Variants in CYP20A1 observed in about 807,000 individuals in gnomAD.
CYP20A1 encodes the protein cytochrome P450 20A1.
CYP20A1 carries 61 observed loss-of-function variants against 61.4 expected under a neutral mutation model. The observed-to-expected ratio is 0.99, with a 90% CI of 0.81 to 1.23. The LOEUF (loss-of-function observed/expected upper bound fraction) is 1.23. CYP20A1 is among the 50% of genes most tolerant of loss of function. CYP20A1 has a pLI of 0.00. For synonymous variants in CYP20A1, 193 were observed against 188.2 expected (o/e 1.03, Z -0.21); for missense variants, 530 against 542.4 (o/e 0.98, Z 0.23).
intron 11 of CYP20A1, among the ~76,000 whole-genome samples, chr2:203,294,909 G>T (rs1450315471): frequency 7.0e-6 from 1 of 142,284 alleles, no homozygotes; most frequent in African/African-American, 2.6e-5. Context: ...TGGGATTACA[G>T]CCTTGAGCCA....
chr2:203,244,575 T>TA (rs898521512), intron 1 of CYP20A1, among the ~76,000 whole-genome samples: 8 of 151,524 alleles, frequency 5.3e-5, no homozygotes, highest in Admixed American at 6.6e-5. Flanking sequence ...TTTTTTTTTT[T>TA]AAAGCCAAAC....
chr2:203,249,581 A>G (rs2066584548), intron 3 of CYP20A1, among the ~76,000 whole-genome samples: 1 of 152,204 alleles, frequency 6.6e-6, no homozygotes, highest in African/African-American at 2.4e-5. Context: ...ATGGTGGCTC[A>G]CGCCTGTAAT....
At chr2:203,256,763 C>G (rs1161166236) in intron 4 of CYP20A1, among the ~76,000 whole-genome samples, 1 of 152,182 alleles carries the variant, frequency 6.6e-6, no homozygotes, top group Non-Finnish European at 1.5e-5. Flanking sequence ...GTATACTTGG[C>G]TCTTGTTATA....
intron 11 of CYP20A1, among the ~76,000 whole-genome samples, chr2:203,295,473 C>T (rs2068750317): frequency 6.6e-6 from 1 of 152,048 alleles, no homozygotes; most frequent in Admixed American, 6.6e-5. Flanking sequence ...GTTGAAGAGG[C>T]AATATAAAAT....
rs2067351174 is a variant in CYP20A1 at position 203,266,980 on chromosome 2, CAAAT to C, written c.600+311_600+314del. Among the ~76,000 whole-genome samples the C allele has an allele frequency of 2.0e-5, 3 of 151,946 alleles. No individual in the cohort carries two copies. The South Asian group carries it at 6.2e-4, about 32-fold the overall frequency. ...TCAGTGACAGAGTAAGACTTTGTCT[CAAAT>C]AAATAAATAAAATTATTCTTTCATC... is the stretch of plus-strand genomic sequence containing the variant. On this transcript the variant is annotated intron_variant, in intron 5 of 12. Coordinates refer to ENST00000356079, the MANE Select transcript of CYP20A1 (RefSeq NM_177538.3).
chr2:203,295,713 C>T (rs748486506), intron 11 of CYP20A1, among the ~76,000 whole-genome samples: 30 of 151,692 alleles, frequency 2.0e-4, no homozygotes, highest in Non-Finnish European at 3.8e-4. Flanking sequence ...TTTGGGAGGC[C>T]AAGGCAGGTG....
rs748538414 is a variant in CYP20A1 at position 203,251,991 on chromosome 2, A to G, written c.314A>G (p.Lys105Arg). Reference protein sequence around the residue: ...KTSDPFETMLKSLLRYQSGGG... With the variant: ...KTSDPFETMLRSLLRYQSGGG... Reference sequence around the variant, plus strand: ...GCGGACCCTTTTGAAACCATGCTGAAGTCATTATTAAGGTATCAATCTGGT... The same window carrying G: ...GCGGACCCTTTTGAAACCATGCTGAGGTCATTATTAAGGTATCAATCTGGT... Residue 105 changes from lysine (K) to arginine (R), a missense_variant, in exon 4 of 13, where the codon AAG becomes AGG. Physicochemically the swap from Lys to Arg is conservative, Grantham distance 26. Coordinates refer to ENST00000356079, the MANE Select transcript of CYP20A1 (RefSeq NM_177538.3). The G allele has an allele frequency of 9.4e-6, 15 of 1,603,026 alleles. No individual in the cohort carries two copies. In the East Asian group the frequency reaches 1.1e-4, roughly 12 times the overall value.
intron 10 of CYP20A1, 125 bp downstream of exon 10, chr2:203,290,001 C>T (rs553215946): frequency 1.2e-4 from 42 of 359,838 alleles, no homozygotes; most frequent in African/African-American, 7.7e-4. Context: ...AGTGCAATGG[C>T]GCGATCTTGG....
In CYP20A1 at chr2:203,289,750, AT is replaced by A. The variant is rs534950176; in HGVS notation, c.972-8del. The A allele has an allele frequency of 8.0e-6, 12 of 1,507,126 alleles. No homozygotes were observed. The highest frequency in any genetic ancestry group is 1.4e-5 in the African/African-American group (1 of 71,298). The allele number at this position is 1,507,126 out of a possible 1,614,324, so 93.4% of individuals were successfully genotyped here. A position where few individuals can be genotyped will look rare whatever the true frequency, so the allele number is the denominator to read the frequency against. On this transcript the variant is annotated splice_polypyrimidine_tract_variant and intron_variant, in intron 9 of 12. Coordinates refer to ENST00000356079, the MANE Select transcript of CYP20A1 (RefSeq NM_177538.3). ...CCCAAAATAAACATCTTCAAAAAAA[AT>A]TTTTTTAAAACAGATATTGTCAGCA...
At chr2:203,257,731 G>A (rs897723466) in intron 4 of CYP20A1, among the ~76,000 whole-genome samples, 7 of 151,870 alleles carry the variant, frequency 4.6e-5, no homozygotes, top group Admixed American at 3.3e-4. Flanking sequence ...AGAGGTTGCA[G>A]CAAGCTGAGA....
chr2:203,285,447 C>T (rs1191376633), intron 8 of CYP20A1, among the ~76,000 whole-genome samples, 165 bp from the exon 9 acceptor site: 1 of 152,008 alleles, frequency 6.6e-6, no homozygotes. Context: ...TAATATAAAC[C>T]CTGTGAAGAA....
At chr2:203,243,417 G>A (rs1288372868) in intron 1 of CYP20A1, among the ~76,000 whole-genome samples, 4 of 150,962 alleles carry the variant, frequency 2.6e-5, no homozygotes, top group Admixed American at 2.0e-4. Flanking sequence ...TTTAGACAGA[G>A]TCTCGCTCTG....
intron 5 of CYP20A1, among the ~76,000 whole-genome samples, chr2:203,267,151 A>T (rs2067358559): frequency 6.6e-6 from 1 of 152,044 alleles, no homozygotes; most frequent in South Asian, 2.1e-4. Flanking sequence ...GACAAGAGTG[A>T]GACCCTGTCT....
chr2:203,239,033 C>A lies in CYP20A1; in HGVS notation c.-30C>A. ...AGGCGCTGCTGCTGGAGCGGCCGATCCGAGACGTGGCTCCCTGGGCGGCAG... is the reference window on the plus strand; with the variant it reads ...AGGCGCTGCTGCTGGAGCGGCCGATACGAGACGTGGCTCCCTGGGCGGCAG... On this transcript the variant is annotated 5_prime_UTR_variant, in exon 1 of 13. Transcript: ENST00000356079. 6.2e-7 allele frequency: 1 copy of A among 1,607,450 alleles called. No individual in the cohort carries two copies. Among genetic ancestry groups the A allele is most frequent in the Non-Finnish European group, 8.5e-7 (1 of 1,174,518 alleles).
In CYP20A1 at chr2:203,280,073, TATG is replaced by T. The variant is rs757323627; in HGVS notation, c.813_815del (p.Met271del). On this transcript the variant is annotated inframe_deletion, in exon 8 of 13. Coordinates refer to ENST00000356079, the MANE Select transcript of CYP20A1 (RefSeq NM_177538.3). ...TTGTTTCCTAGATCCTAGAAGACAG[TATG>T]ATATTTTCTCTGGCCAGTTGCATAA... is the stretch of plus-strand genomic sequence containing the variant. 6.2e-7 allele frequency: 1 copy of T among 1,607,868 alleles called. No individual in the cohort carries two copies. Among genetic ancestry groups the T allele is most frequent in the Admixed American group, 1.7e-5 (1 of 59,300 alleles).
intron 4 of CYP20A1, among the ~76,000 whole-genome samples, chr2:203,260,501 C>T (rs183519789): frequency 6.6e-6 from 1 of 152,016 alleles, no homozygotes; most frequent in Admixed American, 6.6e-5. Flanking sequence ...GGATTACAGG[C>T]GTGAGCCACC....
chr2:203,263,033 C>T (rs1326831209), intron 4 of CYP20A1, among the ~76,000 whole-genome samples: 3 of 148,458 alleles, frequency 2.0e-5, no homozygotes, highest in African/African-American at 7.5e-5. Flanking sequence ...TTGCTCTTGT[C>T]CCCCAGGCTG....
intron 8 of CYP20A1, among the ~76,000 whole-genome samples, chr2:203,284,374 C>T (rs923892513): frequency 2.6e-5 from 4 of 151,936 alleles, no homozygotes; most frequent in Non-Finnish European, 5.9e-5. Flanking sequence ...TATATATGTT[C>T]AGAAGTTTCC....
intron 4 of CYP20A1, among the ~76,000 whole-genome samples, chr2:203,264,206 C>G (rs2152072980): frequency 6.6e-6 from 1 of 152,106 alleles, no homozygotes; most frequent in Non-Finnish European, 1.5e-5. Flanking sequence ...AGGTTTGTCT[C>G]AAACTCCTGG....
Sources: gnomAD v4.1 joint callset for allele counts (sites outside exome capture counted in the v4.1 genomes callset) on GRCh38, gnomAD v4.1.1 for gene constraint, MANE v1.5 for transcripts, NCBI Gene and HGNC (gene_info 2026-07-23, HGNC 2026-07-21) for gene names.